The following RAPGEF5 variants were observed in gnomAD, a reference collection of about 807,000 sequenced individuals.
The protein encoded by RAPGEF5 is M-Ras-regulated GEF.
RAPGEF5 carries 65 observed loss-of-function variants against 125.2 expected under a neutral mutation model. That is an observed-to-expected ratio of 0.52 (90% CI 0.43 to 0.64). RAPGEF5 has a LOEUF of 0.64. Ranked by LOEUF, RAPGEF5 falls within the 30% of genes least tolerant of loss-of-function variation. The probability of loss-of-function intolerance (pLI) is 0.00; values close to 1 mark genes in which losing one functional copy is unlikely to be tolerated. For synonymous variants in RAPGEF5, 391 were observed against 385.9 expected (o/e 1.01, Z -0.16); for missense variants, 958 against 1,048.1 (o/e 0.91, Z 1.19).
chr7:22,333,979 G>A lies in RAPGEF5; in HGVS notation c.232-15942C>T, dbSNP rs186193217. 3.2e-4 allele frequency among the ~76,000 whole-genome samples: 48 copies of A among 151,610 alleles called. 1 individual carries two copies. In the East Asian group the frequency reaches 7.8e-3, roughly 25 times the overall value. ...CTGAAGGCAAAGGAGAGTCGGCTGC[G>A]CCGTTGTGCATGGGAGCGGCTGGCT... is the stretch of plus-strand genomic sequence containing the variant. On this transcript the variant is annotated intron_variant, in intron 1 of 25. Transcript: ENST00000665637.
At chr7:22,314,055 T>C (rs1247924284) in intron 3 of RAPGEF5, among the ~76,000 whole-genome samples, 1 of 152,212 alleles carries the variant, frequency 6.6e-6, no homozygotes, top group Non-Finnish European at 1.5e-5. Flanking sequence ...ATGTCTAGCC[T>C]ATGGCATATT....
intron 4 of RAPGEF5, among the ~76,000 whole-genome samples, chr7:22,309,682 A>T (rs1783424688): frequency 6.6e-6 from 1 of 152,200 alleles, no homozygotes. Flanking sequence ...TTTTGAAAAA[A>T]GTTTGTAAGC....
chr7:22,270,577 A>G (rs1424574920), intron 6 of RAPGEF5, among the ~76,000 whole-genome samples: 1 of 152,190 alleles, frequency 6.6e-6, no homozygotes, highest in African/African-American at 2.4e-5. Context: ...GTTTTTATCC[A>G]ATGAGGATAC....
At position 22,156,813 on chromosome 7, in the gene RAPGEF5, C is replaced by A; in HGVS notation, c.1633G>T (p.Glu545Ter). 6.2e-7 allele frequency: 1 copy of A among 1,613,930 alleles called. No homozygotes were observed. Among genetic ancestry groups the A allele is most frequent in the Non-Finnish European group, 8.5e-7 (1 of 1,179,840 alleles). The change falls in exon 16 of 26, where the codon GAA becomes TAA. Residue 545 changes from glutamate to a stop codon, truncating the protein, a stop_gained. Coordinates refer to ENST00000665637, the MANE Select transcript of RAPGEF5 (RefSeq NM_012294.5). LOFTEE classifies it high-confidence loss of function. ...CCTCACTTCAAACCATACTCACTTT[C>A]CTCCGTTTCAGTCACAGTTCCTCTA... ...QHRGTVTETEEIFCHVYITEH... is the reference protein window; with the variant it reads ...QHRGTVTETE
intron 12 of RAPGEF5, among the ~76,000 whole-genome samples, chr7:22,164,962 C>A (rs6960216): frequency 0.97 from 147,680 of 152,318 alleles, 71,609 homozygotes; most frequent in East Asian, 0.99. Flanking sequence ...ACTTCTAAGA[C>A]GTTGGTTGTA....
intron 11 of RAPGEF5, among the ~76,000 whole-genome samples, chr7:22,175,854 A>G (rs1303635904): frequency 6.6e-6 from 1 of 152,238 alleles, no homozygotes; most frequent in East Asian, 1.9e-4. Context: ...CCTCTCAAGC[A>G]CCAAAAGGTT....
chr7:22,304,854 ATAT>A (rs1435912707), intron 5 of RAPGEF5, among the ~76,000 whole-genome samples: 2 of 152,238 alleles, frequency 1.3e-5, no homozygotes, highest in African/African-American at 4.8e-5. Context: ...TATTAAGAGC[ATAT>A]CACAATACAG....
intron 4 of RAPGEF5, among the ~76,000 whole-genome samples, chr7:22,309,163 T>C (rs1276520090): frequency 6.6e-6 from 1 of 152,236 alleles, no homozygotes; most frequent in Non-Finnish European, 1.5e-5. Flanking sequence ...AATGTTTTGC[T>C]AACCAAAAGC....
At chr7:22,266,922 A>T (rs1289500315) in intron 7 of RAPGEF5, 42 bp downstream of exon 7, 1 of 1,561,910 alleles carries the variant, frequency 6.4e-7, no homozygotes, top group South Asian at 1.1e-5. Context: ...AATACCCCCA[A>T]AGAATTAGAA....
intron 20 of RAPGEF5, 126 bp downstream of exon 20, chr7:22,144,918 T>C (rs955609691): frequency 1.5e-5 from 16 of 1,075,250 alleles, no homozygotes; most frequent in Non-Finnish European, 1.8e-5. Context: ...TTCAGCCATT[T>C]AGTCATTTAA....
At chr7:22,317,220 T>C (rs1783619703) in intron 2 of RAPGEF5, among the ~76,000 whole-genome samples, 1 of 148,036 alleles carries the variant, frequency 6.8e-6, no homozygotes, top group Non-Finnish European at 1.5e-5. Flanking sequence ...CCTGTTAGCC[T>C]AAAAAATGCA....
In RAPGEF5 at chr7:22,194,017, G is replaced by A. The variant is rs375862364; in HGVS notation, c.1013C>T (p.Thr338Met). The A allele has an allele frequency of 5.6e-5, 90 of 1,613,528 alleles. No individual in the cohort carries two copies. The highest frequency in any genetic ancestry group is 7.0e-5 in the Non-Finnish European group (82 of 1,179,708). The part of the protein sequence containing the change: ...EKSEHQDDEV[T>M]TVQVKEQDQS... ...GTCTTGCTCTTTAACCTGAACAGTC[G>A]TCACTTCATCATCTTGCTTTAATTG... The change falls in exon 10 of 26, where the codon ACG becomes ATG. Residue 338 changes from threonine (T) to methionine (M), a missense_variant. Transcript: ENST00000665637.
intron 6 of RAPGEF5, among the ~76,000 whole-genome samples, chr7:22,289,211 T>A (rs1782872344): frequency 6.6e-6 from 1 of 152,262 alleles, no homozygotes; most frequent in Non-Finnish European, 1.5e-5. Context: ...ATCTGTCTTA[T>A]CTTCTTGGTG....
At chr7:22,136,268 A>G (rs1783077548) in intron 22 of RAPGEF5, 143 bp from the exon 23 acceptor site, 1 of 569,650 alleles carries the variant, frequency 1.8e-6, no homozygotes, top group Non-Finnish European at 3.0e-6. Flanking sequence ...AAGGTTTCCT[A>G]GGAGAATAAA....
At chr7:22,143,383 C>T (rs1783327547) in intron 20 of RAPGEF5, among the ~76,000 whole-genome samples, 1 of 152,164 alleles carries the variant, frequency 6.6e-6, no homozygotes, top group Non-Finnish European at 1.5e-5. Flanking sequence ...TCAGACCAAC[C>T]TTCCTGAAGG....
intron 7 of RAPGEF5, among the ~76,000 whole-genome samples, chr7:22,257,308 G>A (rs897345254): frequency 1.3e-5 from 2 of 152,122 alleles, no homozygotes; most frequent in East Asian, 1.9e-4. Flanking sequence ...AGCATACATA[G>A]AAAACACCAT....
At chr7:22,347,305 C>A (rs2041012) in intron 1 of RAPGEF5, among the ~76,000 whole-genome samples, 109,616 of 151,950 alleles carry the variant, frequency 0.72, 40,019 homozygotes, top group African/African-American at 0.84. Flanking sequence ...TACATTTTTC[C>A]CACTTCATAA....
chr7:22,207,256 C>T (rs1207130492), intron 9 of RAPGEF5, among the ~76,000 whole-genome samples: 2 of 152,154 alleles, frequency 1.3e-5, no homozygotes, highest in Non-Finnish European at 2.9e-5. Context: ...TGGGTAAAAA[C>T]ATAAAAGATA....
At chr7:22,262,368 C>G (rs1487790714) in intron 7 of RAPGEF5, among the ~76,000 whole-genome samples, 3 of 152,086 alleles carry the variant, frequency 2.0e-5, no homozygotes, top group Non-Finnish European at 4.4e-5. Context: ...AAAGGTATCA[C>G]TATACGCCTA....
Sources: gnomAD v4.1 joint callset for allele counts (sites outside exome capture counted in the v4.1 genomes callset) on GRCh38, gnomAD v4.1.1 for gene constraint, MANE v1.5 for transcripts, NCBI Gene and HGNC (gene_info 2026-07-23, HGNC 2026-07-21) for gene names.